Variants in C10orf71 observed in about 807,000 individuals in gnomAD.
C10orf71 encodes the protein cardiac-enriched FHL2-interacting protein.
For synonymous variants in C10orf71, 758 were observed against 726.3 expected (o/e 1.04, Z -0.70); for missense variants, 1,869 against 1,804.5 (o/e 1.04, Z -0.65).
At chr10:49,303,522 C>T (rs12775582) in intron 1 of C10orf71, among the ~76,000 whole-genome samples, 1 of 152,210 alleles carries the variant, frequency 6.6e-6, no homozygotes, top group Non-Finnish European at 1.5e-5. Flanking sequence ...AGCAGATCTC[C>T]TGAGTCCTGA....
At position 49,322,695 on chromosome 10, in the gene C10orf71, C is replaced by T. The variant is rs763112464; in HGVS notation, c.150C>T (p.Asp50=). Residue 50 remains aspartate, a synonymous_variant, in exon 3 of 3, where the codon GAC becomes GAT. Transcript: ENST00000374144. ...LCISEDTSFH[D]SYLAVSPDIT... is the part of the protein sequence containing the mutation. ...TCTCCGAGGACACATCCTTCCATGA[C>T]TCCTATCTGGCTGTGTCCCCGGATA... 8.1e-6 allele frequency: 13 copies of T among 1,613,960 alleles called. No homozygotes were observed. Among genetic ancestry groups the T allele is most frequent in the Non-Finnish European group, 5.9e-6 (7 of 1,179,862 alleles).
chr10:49,302,330 C>A (rs1445797109), intron 1 of C10orf71, among the ~76,000 whole-genome samples: 1 of 152,252 alleles, frequency 6.6e-6, no homozygotes, highest in Non-Finnish European at 1.5e-5. Context: ...TCTCACCTGG[C>A]TGTGTCTGCC....
rs115951880 is a variant in C10orf71, at chr10:49,327,080, G to A, written c.*227G>A. ...CTCCTCTGATGGAGGGGCACTGCTT[G>A]CTTGGCCCGGTCCCCTCCGTGCCAG... On this transcript the variant is annotated 3_prime_UTR_variant, in exon 3 of 3. Transcript: ENST00000374144. The A allele has an allele frequency of 8.8e-6, 13 of 1,472,930 alleles. No individual in the cohort carries two copies. Among genetic ancestry groups the A allele is most frequent in the Middle Eastern group, 1.8e-4 (1 of 5,558 alleles). 91.2% of individuals were successfully genotyped at this position (1,472,930 alleles called of 1,614,324 possible). A position where few individuals can be genotyped will look rare whatever the true frequency, so the allele number is the denominator to read the frequency against.
At chr10:49,302,526 C>T (rs1040210129) in intron 1 of C10orf71, among the ~76,000 whole-genome samples, 3 of 152,364 alleles carry the variant, frequency 2.0e-5, no homozygotes, top group African/African-American at 7.2e-5. Flanking sequence ...CATTCTCAAC[C>T]ATCCAGCACG....
intron 1 of C10orf71, among the ~76,000 whole-genome samples, chr10:49,312,026 G>A (rs1250380747): frequency 2.0e-5 from 3 of 152,238 alleles, no homozygotes; most frequent in African/African-American, 7.2e-5. Context: ...AGCAATGACT[G>A]TGCAAAGGGT....
At chr10:49,321,973 C>G (rs373152354) in intron 2 of C10orf71, among the ~76,000 whole-genome samples, 1 of 152,118 alleles carries the variant, frequency 6.6e-6, no homozygotes, top group Admixed American at 6.5e-5. Context: ...GGAATATTAA[C>G]CCTTTATCAG....
intron 1 of C10orf71, 160 bp downstream of exon 1, chr10:49,299,393 G>C (rs191059201): frequency 6.5e-6 from 1 of 152,680 alleles, no homozygotes; most frequent in Admixed American, 6.5e-5. Flanking sequence ...CTGCTGGGCA[G>C]AGCCGGGTTT....
In C10orf71 at chr10:49,299,191, C is replaced by T. The variant is rs1420024344; in HGVS notation, c.-290C>T. On this transcript the variant is annotated 5_prime_UTR_variant, in exon 1 of 3. Transcript: ENST00000374144. ...GTGCGGACTGTTTGCCTCTTCCCCACCAAGAACACCATTTGGTTTCCCCCG... is the reference window on the plus strand; with the variant it reads ...GTGCGGACTGTTTGCCTCTTCCCCATCAAGAACACCATTTGGTTTCCCCCG... The T allele has an allele frequency of 6.6e-6, 1 of 152,254 alleles. No individual in the cohort carries two copies. The highest frequency in any genetic ancestry group is 1.5e-5 in the Non-Finnish European group (1 of 68,076). The allele number at this position is 152,254 out of a possible 1,614,324, so 9.4% of individuals were successfully genotyped here. A position where few individuals can be genotyped will look rare whatever the true frequency, so the allele number is the denominator to read the frequency against.
chr10:49,309,506 C>T (rs900438529), intron 1 of C10orf71, among the ~76,000 whole-genome samples: 2 of 152,122 alleles, frequency 1.3e-5, no homozygotes, highest in Non-Finnish European at 2.9e-5. Flanking sequence ...GAGTAAATGT[C>T]GATTTTAAGC....
rs563008657 is a variant in C10orf71 at position 49,325,606 on chromosome 10, G to C, written c.3061G>C (p.Glu1021Gln). The change falls in exon 3 of 3, where the codon GAA becomes CAA. Residue 1021 changes from glutamate to glutamine, a missense_variant. Physicochemically the swap from Glu to Gln is conservative, Grantham distance 29. Transcript: ENST00000374144. The part of the protein sequence containing the change: ...IEDQPPPWQP[E>Q]NCWEEQTPGF... ...AGACCAGCCACCCCCATGGCAGCCC[G>C]AAAACTGTTGGGAAGAGCAAACACC... is the stretch of plus-strand genomic sequence containing the variant. The C allele has an allele frequency of 1.3e-6, 2 of 1,551,924 alleles. No homozygotes were observed. Among genetic ancestry groups the C allele is most frequent in the Non-Finnish European group, 1.7e-6 (2 of 1,147,062 alleles).
At chr10:49,315,167 G>T (rs1457237431) in intron 1 of C10orf71, among the ~76,000 whole-genome samples, 3 of 152,156 alleles carry the variant, frequency 2.0e-5, no homozygotes, top group Non-Finnish European at 4.4e-5. Context: ...GAGCACCTCT[G>T]TGATTCTCCA....
chr10:49,324,638 T>C lies in C10orf71; in HGVS notation c.2093T>C (p.Phe698Ser), dbSNP rs7921186. 0.99 allele frequency: 1,604,244 copies of C among 1,613,770 alleles called. 797,825 individuals carry two copies. The highest frequency in any genetic ancestry group is 1 in the East Asian group (44,868 of 44,868). Residue 698 changes from phenylalanine (F) to serine (S), a missense_variant, in exon 3 of 3, where the codon TTC becomes TCC. Physicochemically the swap from Phe to Ser is radical, Grantham distance 155 (BLOSUM62 -2). Transcript: ENST00000374144. ...LQNTHLNQKF[F>S]PGPLSPEEED... ...AACACACATTTGAACCAGAAATTCT[T>C]CCCAGGGCCCCTCTCTCCTGAGGAG... is the stretch of plus-strand genomic sequence containing the variant.
At chr10:49,307,222 G>A (rs551295352) in intron 1 of C10orf71, among the ~76,000 whole-genome samples, 110 of 152,142 alleles carry the variant, frequency 7.2e-4, no homozygotes, top group African/African-American at 2.1e-3. Flanking sequence ...CTCTGAGCTC[G>A]CCAGGAGAAG....
upstream of C10orf71, among the ~76,000 whole-genome samples, chr10:49,297,301 T>G (rs1444859597): frequency 6.6e-6 from 1 of 152,204 alleles, no homozygotes; most frequent in African/African-American, 2.4e-5. Flanking sequence ...TTTTCTAACA[T>G]CTGGAACAAA....
intron 2 of C10orf71, among the ~76,000 whole-genome samples, chr10:49,317,367 T>C (rs1331000195): frequency 2.6e-5 from 4 of 152,200 alleles, no homozygotes; most frequent in Non-Finnish European, 4.4e-5. Context: ...TCAGTGGCCA[T>C]TGCTTGTCTC....
upstream of C10orf71, among the ~76,000 whole-genome samples, chr10:49,298,347 A>T (rs900516509): frequency 6.6e-6 from 1 of 152,204 alleles, no homozygotes; most frequent in Non-Finnish European, 1.5e-5. Context: ...GAAAGGGGGA[A>T]AAAAACCCAC....
chr10:49,325,740 C>A lies in C10orf71; in HGVS notation c.3195C>A (p.Ser1065Arg), dbSNP rs1349054040. 2.6e-6 allele frequency: 4 copies of A among 1,551,464 alleles called. No homozygotes were observed. The highest frequency in any genetic ancestry group is 2.0e-5 in the Admixed American group (1 of 50,996). The change falls in exon 3 of 3, where the codon AGC becomes AGA. Residue 1065 changes from serine to arginine, a missense_variant. By Grantham distance (110) the Ser-to-Arg change is moderately radical (BLOSUM62 -1). Transcript: ENST00000374144. Reference protein sequence around the residue: ...NSPNPGSPGESSACSPAASNI... With the variant: ...NSPNPGSPGERSACSPAASNI... ...CCAACCCCGGCTCCCCCGGGGAGAG[C>A]AGTGCCTGCTCCCCTGCTGCCAGCA...
intron 1 of C10orf71, among the ~76,000 whole-genome samples, chr10:49,313,193 A>G (rs1848945382): frequency 6.6e-6 from 1 of 152,242 alleles, no homozygotes; most frequent in South Asian, 2.1e-4. Context: ...CAGCCTTGGA[A>G]TAGCCTGAAG....
chr10:49,302,732 C>A (rs1416700309), intron 1 of C10orf71, among the ~76,000 whole-genome samples: 1 of 152,224 alleles, frequency 6.6e-6, no homozygotes, highest in Non-Finnish European at 1.5e-5. Flanking sequence ...AGAGTCAAAA[C>A]CTCCCTTAGG....
Sources: gnomAD v4.1 joint callset for allele counts (sites outside exome capture counted in the v4.1 genomes callset) on GRCh38, gnomAD v4.1.1 for gene constraint, MANE v1.5 for transcripts, NCBI Gene and HGNC (gene_info 2026-07-23, HGNC 2026-07-21) for gene names.